Variants in SENP1 observed in about 807,000 individuals in gnomAD.
SENP1 encodes the protein SUMO specific peptidase 1.
Under a neutral mutation model 93.0 loss-of-function variants are expected in SENP1, and 21 were observed. The ratio of observed to expected loss-of-function variants is 0.23; its 90% CI spans 0.16 to 0.33. SENP1 has a LOEUF of 0.33. SENP1 is among the 10% of genes least tolerant of loss of function. The pLI, the probability that SENP1 is intolerant of heterozygous loss-of-function variation, is 1.00. For synonymous variants in SENP1, 256 were observed against 259.6 expected (o/e 0.99, Z 0.13); for missense variants, 591 against 758.7 (o/e 0.78, Z 2.60).
chr12:48,087,630 A>G (rs1944970025), intron 5 of SENP1, among the ~76,000 whole-genome samples: 1 of 152,232 alleles, frequency 6.6e-6, no homozygotes, highest in Non-Finnish European at 1.5e-5. Flanking sequence ...TGGTCAAGGG[A>G]TCTTCAGCTT....
At chr12:48,061,186 TCTGA>T (rs1222246910) in intron 13 of SENP1, among the ~76,000 whole-genome samples, 3 of 152,170 alleles carry the variant, frequency 2.0e-5, no homozygotes, top group Non-Finnish European at 4.4e-5. Flanking sequence ...ACTTTTTAAC[TCTGA>T]AAGCCTACAA....
At chr12:48,087,455 C>T (rs543881733) in intron 5 of SENP1, among the ~76,000 whole-genome samples, 85 of 152,076 alleles carry the variant, frequency 5.6e-4, no homozygotes, top group Middle Eastern at 3.4e-3. Flanking sequence ...CTAAATGATG[C>T]ATATAGAAAA....
chr12:48,047,106 G>A (rs768916468), intron 15 of SENP1, 44 bp from the exon 16 acceptor site: 11 of 1,206,202 alleles, frequency 9.1e-6, no homozygotes, highest in Middle Eastern at 1.9e-4. Context: ...GGGGAACATC[G>A]ATGACAGCTG....
rs747046495 is a variant in SENP1, at chr12:48,098,055, T to C, written c.74A>G (p.Lys25Arg). 8.1e-6 allele frequency: 13 copies of C among 1,613,704 alleles called. No individual in the cohort carries two copies. In the East Asian group the frequency reaches 1.1e-4, roughly 14 times the overall value. The stretch of plus-strand genomic sequence containing the variant: ...ACCTGTTTGTGGCAGGAGGTGGGTT[T>C]TGAATACGGAGTTGTGGTTCACTAA... The part of the protein sequence containing the change: ...VTLVNHNSVF[K>R]THLLPQTGFP... Residue 25 changes from lysine (K) to arginine (R), a missense_variant, in exon 3 of 18, where the codon AAA (lysine) becomes AGA (arginine). By Grantham distance (26) the Lys-to-Arg change is conservative (BLOSUM62 2). Transcript: ENST00000549518.
At chr12:48,067,340 G>C (rs746340578) in intron 9 of SENP1, among the ~76,000 whole-genome samples, 2 of 152,140 alleles carry the variant, frequency 1.3e-5, no homozygotes, top group Non-Finnish European at 2.9e-5. Flanking sequence ...CAGATTGAAA[G>C]ATTTATTAAA....
At chr12:48,093,049 G>A (rs1250712946) in intron 4 of SENP1, among the ~76,000 whole-genome samples, 1 of 152,124 alleles carries the variant, frequency 6.6e-6, no homozygotes, top group Non-Finnish European at 1.5e-5. Context: ...CAAATCAAAT[G>A]CTTGAGTCCA....
intron 2 of SENP1, among the ~76,000 whole-genome samples, chr12:48,099,676 G>A (rs1945791575): frequency 6.6e-6 from 1 of 152,102 alleles, no homozygotes; most frequent in African/African-American, 2.4e-5. Context: ...ACCAGGCATA[G>A]TGGCACATGC....
At chr12:48,056,326 AAAT>A (rs1407514460) in intron 13 of SENP1, among the ~76,000 whole-genome samples, 169 of 94,920 alleles carry the variant, frequency 1.8e-3, no homozygotes, top group Non-Finnish European at 2.6e-3. Context: ...TCACATATAT[AAAT>A]ATTATTTAAT....
At chr12:48,093,280 G>GTT (rs374804144) in intron 4 of SENP1, among the ~76,000 whole-genome samples, 1,335 of 126,412 alleles carry the variant, frequency 0.011, 19 homozygotes, top group East Asian at 0.063. Context: ...TTCAGGTGAG[G>GTT]TTTTTTTTTT....
chr12:48,047,720 T>A (rs1272017108), intron 15 of SENP1, among the ~76,000 whole-genome samples: 1 of 152,194 alleles, frequency 6.6e-6, no homozygotes, highest in Non-Finnish European at 1.5e-5. Context: ...GGTCTCTTCA[T>A]CTGAAAAATT....
In SENP1 at chr12:48,054,011, A is replaced by G. The variant is rs79744299; in HGVS notation, c.1408-4879T>C. On this transcript the variant is annotated intron_variant, in intron 13 of 17. Coordinates refer to ENST00000549518, the MANE Select transcript of SENP1 (RefSeq NM_001267594.2). The stretch of plus-strand genomic sequence containing the variant: ...AAATTGACAGCAAGGAATGAGAGGG[A>G]GAATAGGGTCTTGGGGGGAAAATAA... Among the ~76,000 whole-genome samples the G allele has an allele frequency of 1.4e-4, 21 of 152,260 alleles. No individual in the cohort carries two copies. In the East Asian group the frequency reaches 3.9e-3, roughly 28 times the overall value.
rs545991559 is a variant in SENP1, at chr12:48,102,580, T to C, written c.-44-1064A>G. ...GGATGGTAATAGTCACACCTATATA[T>C]ATTTATAATCTTATAACCATATTTT... On this transcript the variant is annotated intron_variant, in intron 1 of 17. Coordinates refer to ENST00000549518, the MANE Select transcript of SENP1 (RefSeq NM_001267594.2). 1.6e-4 allele frequency among the ~76,000 whole-genome samples: 24 copies of C among 151,902 alleles called. No homozygotes were observed. In the South Asian group the frequency reaches 4.1e-3, roughly 26 times the overall value.
intron 5 of SENP1, chr12:48,085,233 C>T (rs946309446): frequency 6.5e-6 from 10 of 1,548,626 alleles, no homozygotes; most frequent in African/African-American, 2.7e-5. Flanking sequence ...ATTTCTAAAC[C>T]GGGATGACAC....
At chr12:48,056,327 A>AATATATTATTTAATATATTACATATAAT (rs201396268) in intron 13 of SENP1, among the ~76,000 whole-genome samples, 18 of 90,956 alleles carry the variant, frequency 2.0e-4, no homozygotes, top group East Asian at 6.7e-4. Flanking sequence ...CACATATATA[A>AATATATTATTTAATATATTACATATAAT]ATATTATTTA....
At chr12:48,084,323 A>G (rs571288850) in intron 5 of SENP1, among the ~76,000 whole-genome samples, 4 of 151,982 alleles carry the variant, frequency 2.6e-5, no homozygotes, top group African/African-American at 7.2e-5. Flanking sequence ...CTTCTGGCCT[A>G]TTTACTTCCT....
chr12:48,072,746 AGTT>A (rs1259328139), intron 8 of SENP1, among the ~76,000 whole-genome samples: 1 of 152,240 alleles, frequency 6.6e-6, no homozygotes, highest in Non-Finnish European at 1.5e-5. Context: ...TTTTGTTATT[AGTT>A]ATTATTGTTG....
intron 13 of SENP1, among the ~76,000 whole-genome samples, chr12:48,061,473 T>A (rs985467160): frequency 5.3e-5 from 8 of 152,274 alleles, no homozygotes; most frequent in South Asian, 2.1e-4. Context: ...AGTGGCTCAG[T>A]CATAGCTCAC....
rs539162726 is a variant in SENP1, at chr12:48,094,461, C to G, written c.220+1882G>C. Among the ~76,000 whole-genome samples, 8 of 152,200 alleles carry G rather than the reference C, an allele frequency of 5.3e-5. No individual in the cohort carries two copies. In the South Asian group the frequency reaches 1.7e-3, roughly 32 times the overall value. On this transcript the variant is annotated intron_variant, in intron 4 of 17. Transcript: ENST00000549518. ...CTGGGAGGCCGAGGCAGGTGAATCA[C>G]CTAAGGTCAGGAGTTCGAGAACAAC...
chr12:48,060,625 C>T (rs778012846), intron 13 of SENP1, among the ~76,000 whole-genome samples: 4 of 152,250 alleles, frequency 2.6e-5, no homozygotes, highest in Non-Finnish European at 5.9e-5. Context: ...TGTCACTCAC[C>T]CTGTAGTAGA....
Sources: allele counts gnomAD v4.1 joint callset (sites outside exome capture counted in the v4.1 genomes callset), GRCh38; gene constraint gnomAD v4.1.1; transcripts MANE v1.5; gene names NCBI Gene and HGNC (gene_info 2026-07-23, HGNC 2026-07-21).